NALF1: variants seen among roughly 807,000 people sequenced by gnomAD.
The protein encoded by NALF1 is family with sequence similarity 155 member A.
A neutral mutation model predicts 48.4 loss-of-function variants in NALF1; 3 were observed. That is an observed-to-expected ratio of 0.06 (90% CI 0.03 to 0.16). NALF1 has a LOEUF of 0.16. NALF1 is among the 10% of genes least tolerant of loss of function. NALF1 has a pLI of 1.00. For missense variants in NALF1, 526 were observed against 571.5 expected, an observed-to-expected ratio of 0.92 and a Z score of 0.81; for synonymous variants, 262 against 245.7, an observed-to-expected ratio of 1.07 and a Z score of -0.62.
chr13:107,556,733 G>A (rs558216610), intron 1 of NALF1, among the ~76,000 whole-genome samples: 19 of 152,184 alleles, frequency 1.2e-4, no homozygotes, highest in South Asian at 2.1e-4. Context: ...TGATCCACCC[G>A]ACTCAGCCTC....
intron 1 of NALF1, among the ~76,000 whole-genome samples, chr13:107,596,762 T>C (rs1260229723): frequency 2.0e-5 from 3 of 152,148 alleles, no homozygotes; most frequent in African/African-American, 7.2e-5. Flanking sequence ...ATATGGAACA[T>C]GTATACATAT....
intron 1 of NALF1, among the ~76,000 whole-genome samples, chr13:107,801,797 T>C (rs1480953269): frequency 6.6e-6 from 1 of 152,172 alleles, no homozygotes; most frequent in Non-Finnish European, 1.5e-5. Context: ...AAATTGGCCA[T>C]GAACATTTGC....
intron 1 of NALF1, among the ~76,000 whole-genome samples, chr13:107,299,465 T>C (rs1003503490): frequency 1.2e-3 from 138 of 118,386 alleles, no homozygotes; most frequent in African/African-American, 4.3e-3. Flanking sequence ...ATAATAATAA[T>C]AATAATAAAT....
chr13:107,714,626 TA>T (rs10633995), intron 1 of NALF1, among the ~76,000 whole-genome samples: 42 of 126,444 alleles, frequency 3.3e-4, no homozygotes, highest in African/African-American at 3.7e-4. Context: ...GAGGCTTTAT[TA>T]AAAAAAAAAA....
At chr13:107,415,412 C>CTT (rs551214789) in intron 1 of NALF1, among the ~76,000 whole-genome samples, 1 of 150,864 alleles carries the variant, frequency 6.6e-6, no homozygotes, top group African/African-American at 2.4e-5. Flanking sequence ...GTGAAACAGA[C>CTT]TTTTCTGCTT....
intron 2 of NALF1, among the ~76,000 whole-genome samples, chr13:107,180,028 A>T (rs1879029735): frequency 6.7e-6 from 1 of 149,090 alleles, no homozygotes; most frequent in Middle Eastern, 3.2e-3. Flanking sequence ...TATTTTGAGG[A>T]TACCCCATTT....
intron 1 of NALF1, among the ~76,000 whole-genome samples, chr13:107,511,241 C>A (rs538586570): frequency 6.6e-6 from 1 of 152,276 alleles, no homozygotes; most frequent in African/African-American, 2.4e-5. Flanking sequence ...TCCGACTCTT[C>A]CGTTGTCTGT....
chr13:107,370,234 T>C (rs1883224895), intron 1 of NALF1, among the ~76,000 whole-genome samples: 1 of 152,218 alleles, frequency 6.6e-6, no homozygotes, highest in African/African-American at 2.4e-5. Flanking sequence ...ATCAGAGGGC[T>C]TCCTATCCGG....
intron 1 of NALF1, among the ~76,000 whole-genome samples, chr13:107,611,231 G>A (rs929248997): frequency 6.6e-6 from 1 of 152,184 alleles, no homozygotes; most frequent in Non-Finnish European, 1.5e-5. Context: ...GCTTGAAACG[G>A]AGTCCTCTGT....
At chr13:107,464,558 T>C (rs1424752561) in intron 1 of NALF1, among the ~76,000 whole-genome samples, 1 of 152,170 alleles carries the variant, frequency 6.6e-6, no homozygotes, top group Non-Finnish European at 1.5e-5. Context: ...TTCACTCTTG[T>C]TGCCCAGGCT....
At chr13:107,390,110 C>T (rs11840794) in intron 1 of NALF1, among the ~76,000 whole-genome samples, 2,697 of 152,214 alleles carry the variant, frequency 0.018, 89 homozygotes, top group African/African-American at 0.061. Flanking sequence ...TGGCTCACAC[C>T]TGTAATCCCA....
chr13:107,182,415 C>G lies in NALF1; in HGVS notation c.1088-11629G>C, dbSNP rs80192928. On this transcript the variant is annotated intron_variant, in intron 2 of 2. Transcript: ENST00000375915. ...AGCCTCTCTCAAGTAGCTGGGCCTACAGGTGAATGCCACCACGCCTGGCTA... is the reference window on the plus strand; with the variant it reads ...AGCCTCTCTCAAGTAGCTGGGCCTAGAGGTGAATGCCACCACGCCTGGCTA... Among the ~76,000 whole-genome samples the G allele has an allele frequency of 2.3e-3, 351 of 152,058 alleles. 1 individual carries two copies. The highest frequency in any genetic ancestry group is 8.2e-3 in the African/African-American group (338 of 41,458).
intron 1 of NALF1, among the ~76,000 whole-genome samples, chr13:107,235,631 T>C (rs764560319): frequency 8.5e-5 from 13 of 152,364 alleles, no homozygotes; most frequent in Non-Finnish European, 1.3e-4. Flanking sequence ...TCCGTACATG[T>C]TCAGTATGAA....
chr13:107,609,199 C>T (rs1426671961), intron 1 of NALF1, among the ~76,000 whole-genome samples: 1 of 152,242 alleles, frequency 6.6e-6, no homozygotes, highest in African/African-American at 2.4e-5. Flanking sequence ...GGCTAGAAGG[C>T]CAGAGGGGCT....
chr13:107,467,689 T>C (rs1461678825), intron 1 of NALF1, among the ~76,000 whole-genome samples: 2 of 152,178 alleles, frequency 1.3e-5, no homozygotes, highest in East Asian at 1.9e-4. Context: ...ATAAGAACAG[T>C]GAAAAGTCAA....
chr13:107,663,822 G>A (rs1281929880), intron 1 of NALF1, among the ~76,000 whole-genome samples: 1 of 152,016 alleles, frequency 6.6e-6, no homozygotes, highest in Non-Finnish European at 1.5e-5. Context: ...TTGGCCTCCT[G>A]GATACCACAG....
intron 1 of NALF1, among the ~76,000 whole-genome samples, chr13:107,212,460 C>T (rs538121287): frequency 6.6e-6 from 1 of 152,282 alleles, no homozygotes; most frequent in African/African-American, 2.4e-5. Context: ...CTTATGCCAA[C>T]TGGGAAACGG....
rs1879231746 is a variant in NALF1 at position 107,189,018 on chromosome 13, T to C, written c.1088-18232A>G. 2.6e-5 allele frequency among the ~76,000 whole-genome samples: 4 copies of C among 152,200 alleles called. No individual in the cohort carries two copies. The South Asian group carries it at 8.3e-4, about 31-fold the overall frequency. On this transcript the variant is annotated intron_variant, in intron 2 of 2. Coordinates refer to ENST00000375915, the MANE Select transcript of NALF1 (RefSeq NM_001080396.3). ...AACTGCACATTAGATGGAATATAGATTGCTCTAAAGACTGAAAAACGATAC... is the reference window on the plus strand; with the variant it reads ...AACTGCACATTAGATGGAATATAGACTGCTCTAAAGACTGAAAAACGATAC...
intron 1 of NALF1, among the ~76,000 whole-genome samples, chr13:107,484,360 C>T (rs1885296066): frequency 6.6e-6 from 1 of 152,050 alleles, no homozygotes; most frequent in South Asian, 2.1e-4. Flanking sequence ...GTCATGTTTT[C>T]AATCATGAGA....
Sources: allele counts gnomAD v4.1 joint callset (sites outside exome capture counted in the v4.1 genomes callset), GRCh38; gene constraint gnomAD v4.1.1; transcripts MANE v1.5; gene names NCBI Gene and HGNC (gene_info 2026-07-23, HGNC 2026-07-21).